ARB2A: variants seen among roughly 807,000 people sequenced by gnomAD.
ARB2A encodes the protein cotranscriptional regulator ARB2A.
chr5:93,742,909 C>T, the ARB2A span: 1 of 152,200 alleles, frequency 6.6e-6, no homozygotes, highest in East Asian at 1.9e-4. Flanking sequence ...TCTAAACCTA[C>T]CTCTCATCCC....
the ARB2A span, among the ~76,000 whole-genome samples, chr5:94,005,673 T>G: frequency 6.6e-6 from 1 of 152,094 alleles, no homozygotes; most frequent in Non-Finnish European, 1.5e-5. Flanking sequence ...CATAAAGAAC[T>G]CTTAAATTTA....
At chr5:93,621,229 TC>T in the ARB2A span, 1 of 1,058,164 alleles carries the variant, frequency 9.5e-7, no homozygotes, top group South Asian at 3.6e-5. Flanking sequence ...GACCACCCGG[TC>T]CCGCCCCTCC....
the ARB2A span, among the ~76,000 whole-genome samples, chr5:94,102,299 T>G: frequency 6.6e-6 from 1 of 151,876 alleles, no homozygotes; most frequent in Non-Finnish European, 1.5e-5. Flanking sequence ...ATACAAGAAC[T>G]TAAAGATGAA....
At chr5:93,939,147 T>C in the ARB2A span, among the ~76,000 whole-genome samples, 21 of 152,318 alleles carry the variant, frequency 1.4e-4, no homozygotes, top group South Asian at 1.2e-3. Flanking sequence ...CTCAATAGAA[T>C]TGGCAAGTCT....
chr5:93,978,431 A>C, the ARB2A span, among the ~76,000 whole-genome samples: 1 of 152,320 alleles, frequency 6.6e-6, no homozygotes, highest in Non-Finnish European at 1.5e-5. Context: ...AATACTATGC[A>C]GCCAGAAAAA....
the ARB2A span, among the ~76,000 whole-genome samples, chr5:94,037,261 A>C: frequency 3.9e-5 from 6 of 152,164 alleles, no homozygotes; most frequent in Non-Finnish European, 7.4e-5. Flanking sequence ...TAGTAATACT[A>C]TCCTATACGT....
chr5:93,911,926 C>T, the ARB2A span, among the ~76,000 whole-genome samples: 5 of 151,694 alleles, frequency 3.3e-5, no homozygotes, highest in African/African-American at 2.4e-5. Flanking sequence ...AACATCTCCA[C>T]AGCACATATA....
At chr5:93,931,971 T>G in the ARB2A span, among the ~76,000 whole-genome samples, 1 of 152,358 alleles carries the variant, frequency 6.6e-6, no homozygotes, top group Middle Eastern at 3.4e-3. Context: ...TTGTTCATTC[T>G]TATTGCAGTA....
chr5:94,023,199 C>T, the ARB2A span, among the ~76,000 whole-genome samples: 1 of 152,154 alleles, frequency 6.6e-6, no homozygotes, highest in African/African-American at 2.4e-5. Context: ...TGTCCAGTGG[C>T]CAAGATAGCC....
chr5:93,888,011 C>A, the ARB2A span, among the ~76,000 whole-genome samples: 80 of 151,968 alleles, frequency 5.3e-4, no homozygotes, highest in East Asian at 0.015. Context: ...CAAACACACA[C>A]CCTTGTCTCC....
the ARB2A span, among the ~76,000 whole-genome samples, chr5:94,007,948 A>C: frequency 2.0e-5 from 3 of 152,370 alleles, no homozygotes; most frequent in South Asian, 4.1e-4. Flanking sequence ...GTATTACATT[A>C]CATTACAGAG....
chr5:93,774,616 G>A, the ARB2A span, among the ~76,000 whole-genome samples: 1 of 152,016 alleles, frequency 6.6e-6, no homozygotes, highest in Non-Finnish European at 1.5e-5. Context: ...TTCTAGTTTT[G>A]TGCCTTTTTT....
the ARB2A span, among the ~76,000 whole-genome samples, chr5:93,957,910 TCTTTTTACAAAAGACTTTTTA>T: frequency 1.8e-3 from 276 of 151,958 alleles, no homozygotes; most frequent in African/African-American, 6.3e-3. Context: ...TTTACAAAAG[TCTTTTTACAAAAGACTTTTTA>T]CTTTTTACAA....
At chr5:93,991,451 A>G in the ARB2A span, among the ~76,000 whole-genome samples, 1 of 152,142 alleles carries the variant, frequency 6.6e-6, no homozygotes, top group Non-Finnish European at 1.5e-5. Flanking sequence ...CCAGAAAAAT[A>G]TCAGTCAATA....
At chr5:93,928,797 TG>T in the ARB2A span, among the ~76,000 whole-genome samples, 1 of 152,128 alleles carries the variant, frequency 6.6e-6, no homozygotes, top group Admixed American at 6.5e-5. Flanking sequence ...AAGGGAGTTT[TG>T]TATTAATTAT....
the ARB2A span, among the ~76,000 whole-genome samples, chr5:93,852,451 T>G: frequency 2.0e-4 from 31 of 152,350 alleles, no homozygotes; most frequent in Middle Eastern, 0.014. Flanking sequence ...AGAAGCTCTT[T>G]AGTTTCACTA....
chr5:93,881,486 A>G, the ARB2A span: 1 of 1,610,142 alleles, frequency 6.2e-7, no homozygotes, highest in Non-Finnish European at 8.5e-7. Flanking sequence ...ATACAATTGC[A>G]TCATTTCTTT....
the ARB2A span, among the ~76,000 whole-genome samples, chr5:93,711,855 C>T: frequency 2.0e-5 from 3 of 152,318 alleles, no homozygotes; most frequent in South Asian, 4.1e-4. Flanking sequence ...TCAAGTAAAG[C>T]AAATTCAGTG....
chr5:93,930,687 C>A, the ARB2A span, among the ~76,000 whole-genome samples: 1 of 152,058 alleles, frequency 6.6e-6, no homozygotes. Context: ...ATAAGAAAAA[C>A]CCTCTTCTTG....
Sources: gnomAD v4.1 joint callset for allele counts (sites outside exome capture counted in the v4.1 genomes callset) on GRCh38, gnomAD v4.1.1 for gene constraint, MANE v1.5 for transcripts, NCBI Gene and HGNC (gene_info 2026-07-23, HGNC 2026-07-21) for gene names.